The following MSRA variants were observed in gnomAD, a reference collection of about 807,000 sequenced individuals.
MSRA encodes methionine sulfoxide reductase A, also known as mitochondrial peptide methionine sulfoxide reductase.
MSRA carries 54 observed loss-of-function variants against 31.3 expected under a neutral mutation model. That is an observed-to-expected ratio of 1.73 (90% CI 1.39 to 2.17). The LOEUF is 2.17. Ranked by LOEUF, MSRA falls within the 30% of genes most tolerant of loss-of-function variation. MSRA has a pLI of 0.00. For missense variants in MSRA, 507 were observed against 300.9 expected (o/e 1.69, Z -5.07); for synonymous variants, 169 against 116.5 (o/e 1.45, Z -2.90).
intron 1 of MSRA, among the ~76,000 whole-genome samples, chr8:10,202,949 TTGTCCTGGATCGCC>T (rs1431601071): frequency 2.0e-5 from 3 of 152,104 alleles, no homozygotes; most frequent in Non-Finnish European, 4.4e-5. Flanking sequence ...TCAGGCCGTC[TTGTCCTGGATCGCC>T]TGTTCTTAGC....
chr8:10,164,564 A>T (rs905796621), intron 1 of MSRA, among the ~76,000 whole-genome samples: 17 of 152,246 alleles, frequency 1.1e-4, no homozygotes, highest in African/African-American at 4.1e-4. Context: ...TGTCACAGAG[A>T]ATGGGAAAAC....
At chr8:10,367,649 T>C (rs7015455) in intron 5 of MSRA, among the ~76,000 whole-genome samples, 85,619 of 152,054 alleles carry the variant, frequency 0.56, 24,496 homozygotes, top group Non-Finnish European at 0.59. Flanking sequence ...ACTTTCCCCA[T>C]GTCACACTGC....
intron 2 of MSRA, among the ~76,000 whole-genome samples, chr8:10,221,805 A>G (rs1386453309): frequency 6.6e-6 from 1 of 152,182 alleles, no homozygotes; most frequent in Non-Finnish European, 1.5e-5. Context: ...GAAGTCATGA[A>G]GGAAAAATAC....
At chr8:10,377,502 A>G (rs1465058678) in intron 5 of MSRA, among the ~76,000 whole-genome samples, 1 of 152,174 alleles carries the variant, frequency 6.6e-6, no homozygotes, top group African/African-American at 2.4e-5. Context: ...GGATGGGTGG[A>G]TGGGAGAGCC....
intron 5 of MSRA, among the ~76,000 whole-genome samples, chr8:10,351,413 C>G (rs988114303): frequency 3.9e-5 from 6 of 151,992 alleles, no homozygotes; most frequent in Non-Finnish European, 7.4e-5. Flanking sequence ...GCCACCACGC[C>G]TAGCTAATTT....
Position 10,095,454 on chromosome 8 carries a change from C to A in MSRA, c.142+40796C>A, listed in dbSNP as rs546058806. 4 of 985,034 alleles carry A rather than the reference C, an allele frequency of 4.1e-6. No homozygotes were observed. In the Admixed American group the frequency reaches 1.8e-4, roughly 45 times the overall value. 61.0% of individuals were successfully genotyped at this position (985,034 alleles called of 1,614,324 possible). On this transcript the variant is annotated intron_variant, in intron 1 of 5. Transcript: ENST00000317173. ...CCTGTTTTCAAATGTATTAATTGAT[C>A]CGCAAAGGACATCTTTTGGAGACAA...
At chr8:10,348,418 G>GGA (rs35791517) in intron 5 of MSRA, among the ~76,000 whole-genome samples, 60,032 of 133,066 alleles carry the variant, frequency 0.45, 14,125 homozygotes, top group Middle Eastern at 0.55. Context: ...CGCCCAGGCT[G>GGA]GAGTGCAGTG....
chr8:10,143,924 A>T (rs141507815), intron 1 of MSRA, among the ~76,000 whole-genome samples: 1 of 152,004 alleles, frequency 6.6e-6, no homozygotes, highest in Non-Finnish European at 1.5e-5. Flanking sequence ...CTGCTTTTCT[A>T]TAGGAAGTCC....
rs566874364 is a variant in MSRA, at chr8:10,332,420, T to C, written c.543+12431T>C. ...ATGCCCATGGAAAAACCCTGAATAA[T>C]TCATTGACTTACCTTAGTCAAAAAG... On this transcript the variant is annotated intron_variant, in intron 5 of 5. Coordinates refer to ENST00000317173, the MANE Select transcript of MSRA (RefSeq NM_012331.5). Among the ~76,000 whole-genome samples the C allele has an allele frequency of 4.6e-5, 7 of 151,868 alleles. No individual in the cohort carries two copies. The East Asian group carries it at 1.4e-3, about 29-fold the overall frequency.
At chr8:10,341,246 G>A (rs1042291762) in intron 5 of MSRA, among the ~76,000 whole-genome samples, 1 of 152,206 alleles carries the variant, frequency 6.6e-6, no homozygotes, top group Non-Finnish European at 1.5e-5. Context: ...AAGCCTGCTG[G>A]CATCTGCTCG....
At chr8:10,313,904 G>C (rs1034096202) in intron 4 of MSRA, among the ~76,000 whole-genome samples, 1 of 152,202 alleles carries the variant, frequency 6.6e-6, no homozygotes, top group African/African-American at 2.4e-5. Flanking sequence ...GCATTTCATA[G>C]TACTGGGGAA....
At chr8:10,274,180 A>G (rs547892556) in intron 3 of MSRA, among the ~76,000 whole-genome samples, 1 of 152,204 alleles carries the variant, frequency 6.6e-6, no homozygotes, top group African/African-American at 2.4e-5. Flanking sequence ...AATAACTGGA[A>G]CTCCTGTTAC....
At chr8:10,400,352 A>G (rs1018285059) in intron 5 of MSRA, among the ~76,000 whole-genome samples, 3 of 97,958 alleles carry the variant, frequency 3.1e-5, no homozygotes, top group Admixed American at 1.1e-4. Context: ...CCTATGACCT[A>G]TTCAGGCTCT....
intron 1 of MSRA, among the ~76,000 whole-genome samples, chr8:10,170,337 A>C (rs1263611936): frequency 1.3e-5 from 2 of 152,186 alleles, no homozygotes; most frequent in East Asian, 1.9e-4. Context: ...TAGTGCTCTT[A>C]TAAGAAAGGC....
chr8:10,264,553 G>A (rs975354757), intron 3 of MSRA, among the ~76,000 whole-genome samples: 2 of 152,342 alleles, frequency 1.3e-5, no homozygotes, highest in African/African-American at 2.4e-5. Flanking sequence ...TGCTCCCAGT[G>A]GAGCCCAGGT....
At chr8:10,304,924 G>A (rs1052240251) in intron 4 of MSRA, among the ~76,000 whole-genome samples, 1 of 152,134 alleles carries the variant, frequency 6.6e-6, no homozygotes, top group Non-Finnish European at 1.5e-5. Context: ...AAAACTACTC[G>A]AGCAATGCTC....
At chr8:10,350,261 G>C (rs1184247138) in intron 5 of MSRA, among the ~76,000 whole-genome samples, 3 of 152,248 alleles carry the variant, frequency 2.0e-5, no homozygotes, top group African/African-American at 7.2e-5. Flanking sequence ...CATCCCCGCA[G>C]TTACTGCATC....
At chr8:10,270,797 G>C (rs945502095) in intron 3 of MSRA, among the ~76,000 whole-genome samples, 2 of 152,176 alleles carry the variant, frequency 1.3e-5, no homozygotes, top group African/African-American at 2.4e-5. Context: ...CAAGATCTTC[G>C]GGCTTTTCTT....
At chr8:10,188,993 G>A (rs1807291028) in intron 1 of MSRA, among the ~76,000 whole-genome samples, 1 of 152,166 alleles carries the variant, frequency 6.6e-6, no homozygotes, top group African/African-American at 2.4e-5. Context: ...TTCAGTTTAT[G>A]AACATGATGT....
Sources: allele counts gnomAD v4.1 joint callset (sites outside exome capture counted in the v4.1 genomes callset), GRCh38; gene constraint gnomAD v4.1.1; transcripts MANE v1.5; gene names NCBI Gene and HGNC (gene_info 2026-07-23, HGNC 2026-07-21).